MMP16: variants seen among roughly 807,000 people sequenced by gnomAD.
MMP16 encodes the protein matrix metalloproteinase-16.
Under a neutral mutation model 67.8 loss-of-function variants are expected in MMP16, and 12 were observed. That is an observed-to-expected ratio of 0.18 (90% CI 0.11 to 0.29). The LOEUF (loss-of-function observed/expected upper bound fraction) is 0.29. Ranked by LOEUF, MMP16 falls within the 10% of genes least tolerant of loss-of-function variation. The pLI, the probability that MMP16 is intolerant of heterozygous loss-of-function variation, is 1.00. For synonymous variants in MMP16, 249 were observed against 255.9 expected (o/e 0.97, Z 0.26); for missense variants, 475 against 765.7 (o/e 0.62, Z 4.48).
chr8:88,156,413 CT>C (rs2129663600), intron 4 of MMP16, among the ~76,000 whole-genome samples: 1 of 152,144 alleles, frequency 6.6e-6, no homozygotes, highest in African/African-American at 2.4e-5. Flanking sequence ...ATAATAAGGT[CT>C]ATTTCTGCTG....
intron 1 of MMP16, among the ~76,000 whole-genome samples, chr8:88,276,771 A>G (rs943271198): frequency 3.9e-5 from 6 of 152,102 alleles, no homozygotes; most frequent in African/African-American, 1.4e-4. Context: ...TCAATTATGA[A>G]TAAGAGAACC....
intron 6 of MMP16, among the ~76,000 whole-genome samples, chr8:88,103,431 G>A (rs991576342): frequency 3.3e-5 from 5 of 151,784 alleles, no homozygotes; most frequent in Non-Finnish European, 7.4e-5. Context: ...AAGAATAAAA[G>A]CGAATGAATA....
Position 88,037,947 on chromosome 8 carries a change from T to C in MMP16, c.*3514A>G, listed in dbSNP as rs993039908. The C allele has an allele frequency of 6.6e-6, 1 of 152,012 alleles. No homozygotes were observed. Among genetic ancestry groups the C allele is most frequent in the Non-Finnish European group, 1.5e-5 (1 of 67,916 alleles). 9.4% of individuals were successfully genotyped at this position (152,012 alleles called of 1,614,324 possible). Reference sequence around the variant, plus strand: ...CCTATGTCTGAGCTTTTCATGTTATTAGTGATGGGGTGATGAAAATATTTT... The same window carrying C: ...CCTATGTCTGAGCTTTTCATGTTATCAGTGATGGGGTGATGAAAATATTTT... On this transcript the variant is annotated 3_prime_UTR_variant, in exon 10 of 10. Transcript: ENST00000286614.
At chr8:88,313,027 A>G (rs958774677) in intron 1 of MMP16, among the ~76,000 whole-genome samples, 1 of 152,214 alleles carries the variant, frequency 6.6e-6, no homozygotes, top group Non-Finnish European at 1.5e-5. Flanking sequence ...TTTTATTTAA[A>G]ATAAATCACA....
intron 1 of MMP16, among the ~76,000 whole-genome samples, chr8:88,261,655 A>G (rs1810390026): frequency 6.6e-6 from 1 of 152,084 alleles, no homozygotes; most frequent in Admixed American, 6.5e-5. Flanking sequence ...ATCATACTTA[A>G]GACCAGAGAA....
At chr8:88,099,829 C>T (rs1278353093) in intron 6 of MMP16, among the ~76,000 whole-genome samples, 1 of 151,900 alleles carries the variant, frequency 6.6e-6, no homozygotes, top group Non-Finnish European at 1.5e-5. Context: ...TGTTATACCT[C>T]CTGCCTTCTT....
chr8:88,168,273 T>G (rs1370877953), intron 3 of MMP16, among the ~76,000 whole-genome samples: 1 of 152,156 alleles, frequency 6.6e-6, no homozygotes, highest in Non-Finnish European at 1.5e-5. Context: ...AAAGGCAGAT[T>G]TGCCACATGA....
At chr8:88,158,722 A>G (rs1310921992) in intron 4 of MMP16, among the ~76,000 whole-genome samples, 2 of 152,072 alleles carry the variant, frequency 1.3e-5, no homozygotes, top group African/African-American at 2.4e-5. Flanking sequence ...TTGGTGTTTT[A>G]GTCATGAAGT....
intron 9 of MMP16, among the ~76,000 whole-genome samples, chr8:88,044,452 G>GT (rs1214217596): frequency 2.0e-5 from 3 of 152,116 alleles, no homozygotes; most frequent in Non-Finnish European, 4.4e-5. Flanking sequence ...AACAACCTAG[G>GT]TTTTTTCATT....
intron 4 of MMP16, among the ~76,000 whole-genome samples, chr8:88,122,714 A>G (rs1778097965): frequency 6.6e-6 from 1 of 151,594 alleles, no homozygotes; most frequent in Non-Finnish European, 1.5e-5. Flanking sequence ...TTGAGAAGCT[A>G]AAGAGATATG....
chr8:88,135,014 A>G (rs1808094701), intron 4 of MMP16, among the ~76,000 whole-genome samples: 1 of 151,612 alleles, frequency 6.6e-6, no homozygotes, highest in Non-Finnish European at 1.5e-5. Context: ...CTTTTCCTAT[A>G]ATGAATTCAC....
rs1325290397 is a variant in MMP16 at position 88,040,463 on chromosome 8, T to C, written c.*998A>G. The stretch of plus-strand genomic sequence containing the variant: ...TAGTTCTCAAAGGGTTACACGGGTA[T>C]GTTACTAGTGTCACAAATCCTTGTA... On this transcript the variant is annotated 3_prime_UTR_variant, in exon 10 of 10. Transcript: ENST00000286614. 1 of 152,312 alleles carries C rather than the reference T, an allele frequency of 6.6e-6. No individual in the cohort carries two copies. The highest frequency in any genetic ancestry group is 1.5e-5 in the Non-Finnish European group (1 of 68,028). The allele number at this position is 152,312 out of a possible 1,614,324, so 9.4% of individuals were successfully genotyped here. A position where few individuals can be genotyped will look rare whatever the true frequency, so the allele number is the denominator to read the frequency against.
intron 1 of MMP16, among the ~76,000 whole-genome samples, chr8:88,277,017 T>C (rs1467696187): frequency 6.6e-6 from 1 of 152,186 alleles, no homozygotes; most frequent in Non-Finnish European, 1.5e-5. Flanking sequence ...TGTTTTCCTC[T>C]TTGGTATATT....
At chr8:88,110,632 T>C (rs1023997928) in intron 6 of MMP16, among the ~76,000 whole-genome samples, 4 of 151,598 alleles carry the variant, frequency 2.6e-5, no homozygotes, top group Non-Finnish European at 5.9e-5. Context: ...GTAAGTATTG[T>C]TTTGTTTGTA....
At chr8:88,102,693 T>C (rs1332062259) in intron 6 of MMP16, among the ~76,000 whole-genome samples, 1 of 151,736 alleles carries the variant, frequency 6.6e-6, no homozygotes, top group Non-Finnish European at 1.5e-5. Context: ...ACTACCTAGG[T>C]AGGGGCTGCC....
chr8:88,168,203 A>G (rs28907593), intron 3 of MMP16, among the ~76,000 whole-genome samples: 12,246 of 152,234 alleles, frequency 0.08, 527 homozygotes, highest in African/African-American at 0.11. Flanking sequence ...ATCTCTGTAG[A>G]ATGGTTAACA....
chr8:88,179,312 G>A (rs1808942082), intron 3 of MMP16, among the ~76,000 whole-genome samples: 1 of 151,900 alleles, frequency 6.6e-6, no homozygotes, highest in African/African-American at 2.4e-5. Flanking sequence ...AATATTCAAG[G>A]TTTAAATAAT....
chr8:88,046,207 T>G (rs533023142), intron 9 of MMP16, among the ~76,000 whole-genome samples: 1 of 152,140 alleles, frequency 6.6e-6, no homozygotes, highest in Non-Finnish European at 1.5e-5. Context: ...TCTCACCATA[T>G]TGAGCTGGAA....
intron 4 of MMP16, among the ~76,000 whole-genome samples, chr8:88,136,931 T>C (rs1005911424): frequency 6.6e-6 from 1 of 151,834 alleles, no homozygotes; most frequent in Non-Finnish European, 1.5e-5. Context: ...TCAGCTTACA[T>C]AGTGACAAAC....
Sources: gnomAD v4.1 joint callset for allele counts (sites outside exome capture counted in the v4.1 genomes callset) on GRCh38, gnomAD v4.1.1 for gene constraint, MANE v1.5 for transcripts, NCBI Gene and HGNC (gene_info 2026-07-23, HGNC 2026-07-21) for gene names.